SOX5: variants seen among roughly 807,000 people sequenced by gnomAD.
The protein encoded by SOX5 is SRY-box transcription factor 5.
Under a neutral mutation model 92.0 loss-of-function variants are expected in SOX5, and 9 were observed. The ratio of observed to expected loss-of-function variants is 0.10; its 90% CI spans 0.06 to 0.17. SOX5 has a LOEUF of 0.17. Ranked by LOEUF, SOX5 falls within the 10% of genes least tolerant of loss-of-function variation. The pLI, the probability that SOX5 is intolerant of heterozygous loss-of-function variation, is 1.00. For synonymous variants in SOX5, 344 were observed against 336.3 expected (o/e 1.02, Z -0.25); for missense variants, 642 against 944.5 (o/e 0.68, Z 4.20).
At chr12:24,089,904 A>G (rs1944436659) in intron 4 of SOX5, among the ~76,000 whole-genome samples, 1 of 152,198 alleles carries the variant, frequency 6.6e-6, no homozygotes, top group African/African-American at 2.4e-5. Context: ...AAGTGGTTCT[A>G]ATGACTTTTC....
chr12:24,270,323 T>A (rs1943565360), intron 3 of SOX5, among the ~76,000 whole-genome samples: 1 of 152,174 alleles, frequency 6.6e-6, no homozygotes, highest in South Asian at 2.1e-4. Flanking sequence ...CCTCCCAAAG[T>A]GCTGGGATTA....
rs756353053 is a variant in SOX5 at position 23,569,132 on chromosome 12, A to G, written c.1343-5729T>C. On this transcript the variant is annotated intron_variant, in intron 10 of 14. Coordinates refer to ENST00000451604, the MANE Select transcript of SOX5 (RefSeq NM_006940.6). ...TTGAGCCTGGGAGGTAGAGGCTTCA[A>G]TGAGCCATGTTCACCTGCCACTGCA... is the stretch of plus-strand genomic sequence containing the variant. Among the ~76,000 whole-genome samples, 4 of 152,184 alleles carry G rather than the reference A, an allele frequency of 2.6e-5. No homozygotes were observed. In the East Asian group the frequency reaches 5.8e-4, roughly 22 times the overall value.
At chr12:24,101,931 C>A (rs1946139230) in intron 4 of SOX5, among the ~76,000 whole-genome samples, 1 of 152,156 alleles carries the variant, frequency 6.6e-6, no homozygotes, top group Non-Finnish European at 1.5e-5. Flanking sequence ...ATACTGTTAT[C>A]TTCCATTGAA....
intron 1 of SOX5, among the ~76,000 whole-genome samples, chr12:23,938,437 T>G (rs1001249670): frequency 1.3e-5 from 2 of 151,030 alleles, no homozygotes; most frequent in African/African-American, 4.8e-5. Flanking sequence ...TTTTCTAGTT[T>G]TCAAAATGTT....
At chr12:23,652,724 A>C (rs1304210507) in intron 7 of SOX5, among the ~76,000 whole-genome samples, 1 of 151,906 alleles carries the variant, frequency 6.6e-6, no homozygotes, top group African/African-American at 2.4e-5. Context: ...CGGCCAATAA[A>C]TCATGAAGAT....
intron 1 of SOX5, among the ~76,000 whole-genome samples, chr12:24,452,380 C>A (rs956708247): frequency 6.6e-6 from 1 of 152,168 alleles, no homozygotes; most frequent in African/African-American, 2.4e-5. Context: ...CACTTCATCA[C>A]AGAGGTCATC....
Position 23,874,812 on chromosome 12 carries a change from T to C in SOX5, c.270+20981A>G, listed in dbSNP as rs150914351. 1.7e-4 allele frequency among the ~76,000 whole-genome samples: 26 copies of C among 152,252 alleles called. No individual in the cohort carries two copies. The East Asian group carries it at 5.0e-3, about 29-fold the overall frequency. ...ATTAGTCTCATAAATCATGAAAAAC[T>C]ACCACGACAGATGCTACCTACAGCA... On this transcript the variant is annotated intron_variant, in intron 2 of 14. Coordinates refer to ENST00000451604, the MANE Select transcript of SOX5 (RefSeq NM_006940.6).
rs113828226 is a variant in SOX5 at position 23,568,633 on chromosome 12, T to C, written c.1343-5230A>G. 3.2e-3 allele frequency among the ~76,000 whole-genome samples: 494 copies of C among 152,246 alleles called. 6 individuals are homozygous for C. Among genetic ancestry groups the C allele is most frequent in the South Asian group, 0.011 (53 of 4,824 alleles). On this transcript the variant is annotated intron_variant, in intron 10 of 14. Transcript: ENST00000451604. ...CTCAGTCCCCTCTTTCTATATTCCA[T>C]AGACCTTGTCAGTTGCCCTTCCGAT...
chr12:23,877,735 G>A (rs952514606), intron 2 of SOX5, among the ~76,000 whole-genome samples: 1 of 151,932 alleles, frequency 6.6e-6, no homozygotes, highest in Non-Finnish European at 1.5e-5. Flanking sequence ...TTTCACTGCA[G>A]AACCTTTTTC....
At chr12:23,846,701 A>G (rs2136062910) in intron 2 of SOX5, among the ~76,000 whole-genome samples, 1 of 152,222 alleles carries the variant, frequency 6.6e-6, no homozygotes, top group South Asian at 2.1e-4. Flanking sequence ...TCTTGATAAT[A>G]CTCTAATAAA....
intron 2 of SOX5, among the ~76,000 whole-genome samples, chr12:24,306,586 C>G (rs1017804613): frequency 1.3e-5 from 2 of 152,102 alleles, no homozygotes; most frequent in Non-Finnish European, 2.9e-5. Context: ...ACAAAGAAGC[C>G]CACATCCAGC....
intron 8 of SOX5, among the ~76,000 whole-genome samples, chr12:23,612,636 T>C (rs2076101957): frequency 6.6e-6 from 1 of 152,146 alleles, no homozygotes. Context: ...GTTAAATATT[T>C]GGAATAGAGA....
chr12:24,179,671 G>C (rs1481637298), intron 4 of SOX5, among the ~76,000 whole-genome samples: 1 of 152,222 alleles, frequency 6.6e-6, no homozygotes, highest in Non-Finnish European at 1.5e-5. Flanking sequence ...AAAAGGCTTT[G>C]TGTTAGATAA....
intron 8 of SOX5, among the ~76,000 whole-genome samples, chr12:23,633,663 T>C (rs2078848173): frequency 6.6e-6 from 1 of 152,202 alleles, no homozygotes; most frequent in Non-Finnish European, 1.5e-5. Flanking sequence ...ACTCAGTGTA[T>C]GGAGCTGCTA....
intron 2 of SOX5, among the ~76,000 whole-genome samples, chr12:24,310,277 G>A (rs985255247): frequency 4.6e-5 from 7 of 152,092 alleles, no homozygotes; most frequent in Non-Finnish European, 7.4e-5. Context: ...AACAAAGATC[G>A]TACATTTAAA....
intron 7 of SOX5, among the ~76,000 whole-genome samples, chr12:23,653,156 A>G (rs897783683): frequency 6.6e-6 from 1 of 152,030 alleles, no homozygotes; most frequent in African/African-American, 2.4e-5. Flanking sequence ...ATGTCTAAAC[A>G]TATTTCCCTG....
chr12:23,567,026 T>C (rs566965914), intron 10 of SOX5, among the ~76,000 whole-genome samples: 78 of 152,358 alleles, frequency 5.1e-4, no homozygotes, highest in African/African-American at 1.8e-3. Flanking sequence ...GAAAAGATGT[T>C]AGACTCCTTT....
intron 2 of SOX5, among the ~76,000 whole-genome samples, chr12:24,361,851 G>A (rs1955606951): frequency 6.6e-6 from 1 of 152,158 alleles, no homozygotes; most frequent in South Asian, 2.1e-4. Flanking sequence ...TTCAGTTCAG[G>A]CTTACCTGAG....
intron 4 of SOX5, among the ~76,000 whole-genome samples, chr12:23,981,976 C>A (rs1367621372): frequency 6.6e-6 from 1 of 152,004 alleles, no homozygotes; most frequent in Non-Finnish European, 1.5e-5. Flanking sequence ...AATTTAAAGG[C>A]TTCTAGTGGG....
Sources: gnomAD v4.1 joint callset for allele counts (sites outside exome capture counted in the v4.1 genomes callset) on GRCh38, gnomAD v4.1.1 for gene constraint, MANE v1.5 for transcripts, NCBI Gene and HGNC (gene_info 2026-07-23, HGNC 2026-07-21) for gene names.